The following CCDC146 variants were observed in gnomAD, a reference collection of about 807,000 sequenced individuals.
The protein encoded by CCDC146 is coiled-coil domain-containing protein 146.
Under a neutral mutation model 119.3 loss-of-function variants are expected in CCDC146, and 92 were observed. The ratio of observed to expected loss-of-function variants is 0.77; its 90% CI spans 0.65 to 0.92. CCDC146 has a LOEUF of 0.92. CCDC146 is among the 40% of genes least tolerant of loss of function. The pLI is 0.00. For synonymous variants in CCDC146, 372 were observed against 371.8 expected, an observed-to-expected ratio of 1.00 and a Z score of -0.01; for missense variants, 1,000 against 1,103.0, an observed-to-expected ratio of 0.91 and a Z score of 1.32.
intron 15 of CCDC146, among the ~76,000 whole-genome samples, 184 bp downstream of exon 15, chr7:77,282,969 C>T (rs1411842583): frequency 6.6e-6 from 1 of 152,230 alleles, no homozygotes; most frequent in Non-Finnish European, 1.5e-5. Context: ...TTCAGGCATC[C>T]AGGCTACACA....
intron 18 of CCDC146, among the ~76,000 whole-genome samples, chr7:77,293,910 T>A (rs908179672): frequency 6.6e-6 from 1 of 152,180 alleles, no homozygotes; most frequent in South Asian, 2.1e-4. Flanking sequence ...CAAAACTGCA[T>A]TCAGAACACA....
intron 2 of CCDC146, chr7:77,198,120 ACC>A: frequency 1.0e-6 from 1 of 985,406 alleles, no homozygotes; most frequent in Non-Finnish European, 1.2e-6. Context: ...CACTGATGTC[ACC>A]TAAGCGGTGA....
rs1347033494 is a variant in CCDC146 at position 77,188,268 on chromosome 7, TTG to T, written c.156+20446_156+20447del. On this transcript the variant is annotated intron_variant, in intron 2 of 18. Transcript: ENST00000285871. ...GTTATCCTGGTGTGATTATTATGCA[TTG>T]TATCCTCTATCAAAATATCTCATGT... Among the ~76,000 whole-genome samples the T allele has an allele frequency of 1.2e-4, 19 of 152,270 alleles. No individual in the cohort carries two copies. In the South Asian group the frequency reaches 3.5e-3, roughly 28 times the overall value.
Position 77,198,872 on chromosome 7 carries a change from CAAGTT to C in CCDC146, c.156+31051_156+31055del, listed in dbSNP as rs2150434108. 3 of 409,682 alleles carry C rather than the reference CAAGTT, an allele frequency of 7.3e-6. No homozygotes were observed. The South Asian group carries it at 1.6e-4, about 22-fold the overall frequency. 25.4% of individuals were successfully genotyped at this position (409,682 alleles called of 1,614,324 possible). ...GTTTTCAAACACCTCATTGAAGAGA[CAAGTT>C]AAATGCACTAAAACATCAAGAAATT... is the stretch of plus-strand genomic sequence containing the variant. On this transcript the variant is annotated intron_variant, in intron 2 of 18. Coordinates refer to ENST00000285871, the MANE Select transcript of CCDC146 (RefSeq NM_020879.3).
intron 7 of CCDC146, among the ~76,000 whole-genome samples, chr7:77,259,440 T>C (rs1288540840): frequency 2.6e-5 from 4 of 152,082 alleles, no homozygotes; most frequent in Non-Finnish European, 5.9e-5. Context: ...TAATAGTAAC[T>C]CCCCACTTTG....
At chr7:77,156,121 C>T (rs1376749922) in intron 1 of CCDC146, among the ~76,000 whole-genome samples, 2 of 152,170 alleles carry the variant, frequency 1.3e-5, no homozygotes, top group East Asian at 1.9e-4. Flanking sequence ...TTGGGTTCTC[C>T]ACCATCATGT....
intron 1 of CCDC146, among the ~76,000 whole-genome samples, chr7:77,145,104 T>C (rs1233367554): frequency 2.0e-5 from 3 of 151,858 alleles, no homozygotes; most frequent in South Asian, 2.1e-4. Flanking sequence ...GAGCCTATTA[T>C]TGGTCTATTC....
rs1003688294 is a variant in CCDC146, at chr7:77,221,228, G to A, written c.157-15719G>A. On this transcript the variant is annotated intron_variant, in intron 2 of 18. Transcript: ENST00000285871. Reference sequence around the variant, plus strand: ...AACACTGGGTATTACAATTCAACATGAGATTTTTGACAGGGACACAGATCC... The same window carrying A: ...AACACTGGGTATTACAATTCAACATAAGATTTTTGACAGGGACACAGATCC... Among the ~76,000 whole-genome samples, 5 of 152,298 alleles carry A rather than the reference G, an allele frequency of 3.3e-5. No homozygotes were observed. The Middle Eastern group carries it at 0.01, about 311-fold the overall frequency.
intron 2 of CCDC146, among the ~76,000 whole-genome samples, chr7:77,174,268 GC>G (rs1429998255): frequency 6.6e-6 from 1 of 152,044 alleles, no homozygotes; most frequent in African/African-American, 2.4e-5. Context: ...TTTTTTTGTT[GC>G]TTCTTAGTAT....
chr7:77,280,376 T>C (rs780608949), intron 13 of CCDC146, 53 bp from the exon 14 acceptor site: 7 of 1,426,536 alleles, frequency 4.9e-6, no homozygotes, highest in Non-Finnish European at 6.6e-6. Flanking sequence ...TCATTCCTTT[T>C]AAATAAACTA....
chr7:77,191,711 A>C (rs536466283), intron 2 of CCDC146, among the ~76,000 whole-genome samples: 73 of 152,130 alleles, frequency 4.8e-4, no homozygotes, highest in South Asian at 3.7e-3. Flanking sequence ...GATCGAGACC[A>C]TCCTGGCTAA....
chr7:77,185,952 A>G (rs1166239546), intron 2 of CCDC146, among the ~76,000 whole-genome samples: 1 of 152,218 alleles, frequency 6.6e-6, no homozygotes, highest in Admixed American at 6.5e-5. Context: ...ATATCATCTC[A>G]CCCCAGTTTA....
At chr7:77,259,962 GT>G in intron 7 of CCDC146, 46 bp from the exon 8 acceptor site, 1 of 423,916 alleles carries the variant, frequency 2.4e-6, no homozygotes, top group Non-Finnish European at 4.0e-6. Flanking sequence ...GTGTGTGTGT[GT>G]GTGTGTGTGT....
chr7:77,240,993 T>C (rs982185271), intron 3 of CCDC146, among the ~76,000 whole-genome samples: 1 of 149,840 alleles, frequency 6.7e-6, no homozygotes, highest in African/African-American at 2.5e-5. Flanking sequence ...TTTGTTTGTT[T>C]GTTTGTTTTT....
intron 1 of CCDC146, among the ~76,000 whole-genome samples, chr7:77,164,026 AT>A (rs1331954317): frequency 1.3e-5 from 2 of 150,578 alleles, no homozygotes; most frequent in African/African-American, 2.4e-5. Context: ...TGCCTGGCTA[AT>A]TTTTTTTGTA....
At chr7:77,261,032 G>A (rs2150515485) in intron 8 of CCDC146, among the ~76,000 whole-genome samples, 1 of 152,212 alleles carries the variant, frequency 6.6e-6, no homozygotes, top group South Asian at 2.1e-4. Context: ...AGTTCTAAAT[G>A]ATACCAACTC....
intron 17 of CCDC146, among the ~76,000 whole-genome samples, chr7:77,289,214 T>G (rs1352417621): frequency 6.6e-6 from 1 of 152,244 alleles, no homozygotes; most frequent in African/African-American, 2.4e-5. Context: ...GAATTTCCCT[T>G]TCTTTGGGGG....
chr7:77,198,593 G>T (rs1296509554), intron 2 of CCDC146: 1 of 152,848 alleles, frequency 6.5e-6, no homozygotes, highest in African/African-American at 2.4e-5. Flanking sequence ...TTAGTGGCAT[G>T]CTAAAACTCT....
At chr7:77,198,172 G>A in intron 2 of CCDC146, 1 of 985,428 alleles carries the variant, frequency 1.0e-6, no homozygotes, top group Non-Finnish European at 1.2e-6. Flanking sequence ...TCAGATGCAG[G>A]CTGCCAGGAG....
Sources: gnomAD v4.1 joint callset for allele counts (sites outside exome capture counted in the v4.1 genomes callset) on GRCh38, gnomAD v4.1.1 for gene constraint, MANE v1.5 for transcripts, NCBI Gene and HGNC (gene_info 2026-07-23, HGNC 2026-07-21) for gene names.